USH2A: variants seen among roughly 807,000 people sequenced by gnomAD.
USH2A encodes Usher syndrome 2A (autosomal recessive, mild).
A neutral mutation model predicts 538.9 loss-of-function variants in USH2A; 443 were observed. That is an observed-to-expected ratio of 0.82 (90% CI 0.76 to 0.89). USH2A has a LOEUF of 0.89. Ranked by LOEUF, USH2A falls within the 40% of genes least tolerant of loss-of-function variation. The pLI, the probability that USH2A is intolerant of heterozygous loss-of-function variation, is 0.00. For synonymous variants in USH2A, 2,413 were observed against 2,273.5 expected (o/e 1.06, Z -1.75); for missense variants, 6,633 against 6,324.8 (o/e 1.05, Z -1.65).
Position 216,016,187 on chromosome 1 carries a change from C to A in USH2A, c.6326-15625G>T, listed in dbSNP as rs1157751143. On this transcript the variant is annotated intron_variant, in intron 32 of 71. Transcript: ENST00000307340. ...GGTGGGGAACATCACACACCAGGGC[C>A]TGCTGGGGGGTGGGCGGGGAGGGGA... 7.7e-5 allele frequency among the ~76,000 whole-genome samples: 8 copies of A among 103,360 alleles called. No individual in the cohort carries two copies. The Admixed American group carries it at 1.0e-3, about 13-fold the overall frequency. The allele number at this position is 103,360 out of a possible 152,430, so 67.8% of individuals were successfully genotyped here.
chr1:215,648,873 C>A (rs1656951929), intron 65 of USH2A, 107 bp from the exon 66 acceptor site: 2 of 1,053,002 alleles, frequency 1.9e-6, no homozygotes, highest in Non-Finnish European at 3.0e-6. Context: ...ATGCCAGGCA[C>A]TCTGGGAGAC....
In USH2A at chr1:215,809,499, A is replaced by AT. The variant is rs894517283; in HGVS notation, c.9739+4236dup. On this transcript the variant is annotated intron_variant, in intron 49 of 71. Coordinates refer to ENST00000307340, the MANE Select transcript of USH2A (RefSeq NM_206933.4). ...GATTATATCAATAAAAAATAAAACT[A>AT]TTTTTTTTTCCTCAAAAAGGGGCTA... Among the ~76,000 whole-genome samples the AT allele has an allele frequency of 4.4e-3, 659 of 151,146 alleles. 6 individuals carry two copies. Among genetic ancestry groups the AT allele is most frequent in the African/African-American group, 0.014 (559 of 41,230 alleles).
Position 215,628,876 on chromosome 1 carries a change from CT to C in USH2A, c.15456del (p.Asp5153ThrfsTer5). 6.2e-7 allele frequency: 1 copy of C among 1,614,170 alleles called. No individual in the cohort carries two copies. Among genetic ancestry groups the C allele is most frequent in the Non-Finnish European group, 8.5e-7 (1 of 1,180,036 alleles). On this transcript the variant is annotated frameshift_variant, in exon 71 of 72. Coordinates refer to ENST00000307340, the MANE Select transcript of USH2A (RefSeq NM_206933.4). LOFTEE classifies it high-confidence loss of function. ...HRSVSQLMDI[Q>X]DKKVLMDNSL... is the part of the protein sequence containing the mutation. ...GAGTTGTCCATCAAGACTTTCTTGT[CT>C]TGAATGTCCATGAGCTGGCTGACGC...
intron 70 of USH2A, chr1:215,630,402 G>GTATATATGTGTGTGTA: frequency 2.6e-6 from 1 of 381,794 alleles, no homozygotes; most frequent in South Asian, 1.9e-5. Flanking sequence ...ACCTGCATAT[G>GTATATATGTGTGTGTA]TATATATGTG....
At chr1:216,302,078 T>C (rs1350363354) in intron 9 of USH2A, among the ~76,000 whole-genome samples, 1 of 152,208 alleles carries the variant, frequency 6.6e-6, no homozygotes, top group African/African-American at 2.4e-5. Flanking sequence ...TAGGTAGCTC[T>C]AATGTTCCCA....
chr1:216,214,887 G>A (rs1448478481), intron 15 of USH2A, among the ~76,000 whole-genome samples: 3 of 151,810 alleles, frequency 2.0e-5, no homozygotes, highest in Non-Finnish European at 4.4e-5. Context: ...ATTTTAGTTA[G>A]GTTCATAGAT....
At chr1:216,045,643 C>T (rs1271151426) in intron 32 of USH2A, among the ~76,000 whole-genome samples, 1 of 152,182 alleles carries the variant, frequency 6.6e-6, no homozygotes, top group Non-Finnish European at 1.5e-5. Context: ...GTGAGCCTGA[C>T]TGGGAAAACA....
chr1:215,898,060 T>C (rs1665396628), intron 40 of USH2A, among the ~76,000 whole-genome samples: 1 of 152,230 alleles, frequency 6.6e-6, no homozygotes, highest in African/African-American at 2.4e-5. Flanking sequence ...TCACCATGTC[T>C]CAGGTGCACT....
intron 58 of USH2A, among the ~76,000 whole-genome samples, chr1:215,750,947 T>C (rs1399053721): frequency 6.6e-6 from 1 of 152,174 alleles, no homozygotes; most frequent in East Asian, 1.9e-4. Context: ...CATTTTAAAA[T>C]ATCCAAAATA....
At chr1:216,228,922 C>G (rs2035618692) in intron 14 of USH2A, among the ~76,000 whole-genome samples, 1 of 151,910 alleles carries the variant, frequency 6.6e-6, no homozygotes, top group African/African-American at 2.4e-5. Context: ...GCCTGTAATC[C>G]CAGCACTTTG....
At chr1:216,037,203 G>A (rs187880327) in intron 32 of USH2A, among the ~76,000 whole-genome samples, 28 of 152,170 alleles carry the variant, frequency 1.8e-4, no homozygotes, top group East Asian at 3.9e-4. Flanking sequence ...ATGATTTTCC[G>A]TGAAAACTGT....
intron 27 of USH2A, among the ~76,000 whole-genome samples, chr1:216,075,996 T>G (rs1251082953): frequency 6.6e-6 from 1 of 152,050 alleles, no homozygotes; most frequent in East Asian, 1.9e-4. Context: ...TAAATGAACA[T>G]GATTTGTTTT....
chr1:216,231,833 G>T, intron 14 of USH2A, 120 bp downstream of exon 14: 1 of 1,218,238 alleles, frequency 8.2e-7, no homozygotes, highest in Non-Finnish European at 1.2e-6. Flanking sequence ...GATTACAGGT[G>T]TGAGCCACCA....
At chr1:215,960,317 G>A (rs1313119930) in intron 37 of USH2A, among the ~76,000 whole-genome samples, 1 of 151,944 alleles carries the variant, frequency 6.6e-6, no homozygotes, top group African/African-American at 2.4e-5. Context: ...ATGCTGTAAA[G>A]TTTTATTTGT....
rs2102469562 is a variant in USH2A at position 215,900,154 on chromosome 1, C to T, written c.7515G>A (p.Glu2505=). Residue 2505 remains glutamate (E), a synonymous_variant, in exon 40 of 72, where the codon GAG becomes GAA. Coordinates refer to ENST00000307340, the MANE Select transcript of USH2A (RefSeq NM_206933.4). ...YEVSDLQPYT[E]YMFRLVASNG... ...TGGAGGCAACCAACCGAAACATATA[C>T]TCTGTGTACGGTTGGAGATCACTCA... 2.5e-6 allele frequency: 4 copies of T among 1,613,710 alleles called. No individual in the cohort carries two copies. The South Asian group carries it at 4.4e-5, about 18-fold the overall frequency.
At position 215,743,247 on chromosome 1, in the gene USH2A, A is replaced by G. The variant is rs756007833; in HGVS notation, c.11478T>C (p.His3826=). Residue 3826 remains histidine (H), a synonymous_variant, in exon 59 of 72, where the codon CAT becomes CAC. Transcript: ENST00000307340. ...VTPLAFSVGH[H]QSTLLENLTP... The stretch of plus-strand genomic sequence containing the variant: ...TCAAATTTTCCAGAAGGGTGGATTG[A>G]TGATGACCAACGGAGAAGGCCAGAG... 2.4e-5 allele frequency: 38 copies of G among 1,612,314 alleles called. No individual in the cohort carries two copies. The South Asian group carries it at 4.1e-4, about 17-fold the overall frequency.
intron 4 of USH2A, among the ~76,000 whole-genome samples, chr1:216,353,199 T>C (rs2038319166): frequency 6.6e-6 from 1 of 152,120 alleles, no homozygotes; most frequent in African/African-American, 2.4e-5. Context: ...GGAAAGTCGT[T>C]AAATCATTTG....
intron 49 of USH2A, among the ~76,000 whole-genome samples, chr1:215,805,065 A>G (rs371629785): frequency 5.3e-5 from 8 of 152,176 alleles, no homozygotes; most frequent in African/African-American, 1.4e-4. Context: ...GTTGTCACTC[A>G]TAGGTGGGAA....
chr1:216,363,418 C>T (rs2038534026), intron 4 of USH2A, among the ~76,000 whole-genome samples: 1 of 151,852 alleles, frequency 6.6e-6, no homozygotes, highest in South Asian at 2.1e-4. Context: ...AATATCTTGC[C>T]AGGCCATATA....
Sources: gnomAD v4.1 joint callset for allele counts (sites outside exome capture counted in the v4.1 genomes callset) on GRCh38, gnomAD v4.1.1 for gene constraint, MANE v1.5 for transcripts, NCBI Gene and HGNC (gene_info 2026-07-23, HGNC 2026-07-21) for gene names.